The following CREM variants were observed in gnomAD, a reference collection of about 807,000 sequenced individuals.
The protein encoded by CREM is cAMP responsive element modulator, also known as cAMP-responsive element modulator.
Under a neutral mutation model 37.3 loss-of-function variants are expected in CREM, and 13 were observed. That is an observed-to-expected ratio of 0.35 (90% CI 0.23 to 0.55). CREM has a LOEUF of 0.55. CREM is among the 20% of genes least tolerant of loss of function. The pLI is 0.88. For synonymous variants in CREM, 124 were observed against 120.2 expected, an observed-to-expected ratio of 1.03 and a Z score of -0.21; for missense variants, 296 against 362.3, an observed-to-expected ratio of 0.82 and a Z score of 1.49.
At chr10:35,149,514 G>A (rs1326857883) in intron 3 of CREM, among the ~76,000 whole-genome samples, 3 of 152,180 alleles carry the variant, frequency 2.0e-5, no homozygotes, top group South Asian at 2.1e-4. Context: ...TAGTAGCCAT[G>A]TGGAGGTGGA....
intron 6 of CREM, among the ~76,000 whole-genome samples, chr10:35,203,489 C>T (rs535973743): frequency 7.2e-5 from 11 of 151,980 alleles, no homozygotes; most frequent in African/African-American, 1.2e-4. Context: ...GTTAGGAGTT[C>T]GAGACCAGCC....
At chr10:35,154,894 G>T (rs902941493) in intron 3 of CREM, among the ~76,000 whole-genome samples, 2 of 152,026 alleles carry the variant, frequency 1.3e-5, no homozygotes, top group Non-Finnish European at 2.9e-5. Flanking sequence ...ACTTCAACAA[G>T]AATTTGTTAT....
chr10:35,134,368 C>T (rs1409010457), intron 1 of CREM, among the ~76,000 whole-genome samples: 1 of 152,158 alleles, frequency 6.6e-6, no homozygotes, highest in East Asian at 1.9e-4. Context: ...AGGCGCATGC[C>T]ACCACGCCTG....
intron 5 of CREM, among the ~76,000 whole-genome samples, chr10:35,186,588 C>A (rs1467561570): frequency 6.9e-6 from 1 of 145,454 alleles, no homozygotes; most frequent in East Asian, 2.0e-4. Context: ...GCTTTATAAC[C>A]AAAATATGTT....
At chr10:35,189,195 G>GT (rs35421708) in intron 6 of CREM, among the ~76,000 whole-genome samples, 16,429 of 141,772 alleles carry the variant, frequency 0.12, 1,147 homozygotes, top group Middle Eastern at 0.19. Context: ...TTGTTTGTTT[G>GT]TTTTTTTGAC....
Position 35,179,212 on chromosome 10 carries a change from A to G in CREM, c.345A>G (p.Thr115=), listed in dbSNP as rs1254456082. 8 of 1,614,022 alleles carry G rather than the reference A, an allele frequency of 5.0e-6. No individual in the cohort carries two copies. Among genetic ancestry groups the G allele is most frequent in the Admixed American group, 1.7e-5 (1 of 59,998 alleles). Residue 115 remains threonine (T), a synonymous_variant, in exon 5 of 8, where the codon ACA becomes ACG. Coordinates refer to ENST00000685392, the MANE Select transcript of CREM (RefSeq NM_183011.2). Reference sequence around the variant, plus strand: ...AAGAGAGATCAGAGGAAGAAGGAACACCACCTAGTATTGCTACCATGGCAG... The same window carrying G: ...AAGAGAGATCAGAGGAAGAAGGAACGCCACCTAGTATTGCTACCATGGCAG... ...IEEERSEEEG[T]PPSIATMAVP... is the part of the protein sequence containing the mutation.
At position 35,148,494 on chromosome 10, in the gene CREM, A is replaced by G. The variant is rs764201167; in HGVS notation, c.168+3A>G. 5.6e-6 allele frequency: 9 copies of G among 1,609,282 alleles called. No homozygotes were observed. Among genetic ancestry groups the G allele is most frequent in the African/African-American group, 2.7e-5 (2 of 74,706 alleles). ...ATTCAATCCCTGCTTTAGCTCAGGT[A>G]GGCAATAGGCAGGCACCGTTGAAAG... On this transcript the variant is annotated splice_donor_region_variant and intron_variant, in intron 3 of 7. Coordinates refer to ENST00000685392, the MANE Select transcript of CREM (RefSeq NM_183011.2).
intron 6 of CREM, among the ~76,000 whole-genome samples, chr10:35,191,443 C>G (rs1302360831): frequency 6.6e-6 from 1 of 150,984 alleles, no homozygotes; most frequent in African/African-American, 2.4e-5. Context: ...CTCTTTTTTT[C>G]TTTTCCTTAA....
intron 6 of CREM, among the ~76,000 whole-genome samples, chr10:35,199,627 G>A (rs937361403): frequency 2.6e-5 from 4 of 152,090 alleles, no homozygotes; most frequent in Admixed American, 2.0e-4. Flanking sequence ...CAGTTTACAG[G>A]CATTCTCACT....
In CREM at chr10:35,187,197, A is replaced by G. The variant is rs567350249; in HGVS notation, c.410-1003A>G. Among the ~76,000 whole-genome samples, 100 of 71,976 alleles carry G rather than the reference A, an allele frequency of 1.4e-3. 1 individual carries two copies. In the East Asian group the frequency reaches 0.016, roughly 12 times the overall value. The allele number at this position is 71,976 out of a possible 152,430, so 47.2% of individuals were successfully genotyped here. ...AATATTAATATATAAATATATTAAT[A>G]TATAATATATATTATATATTTATAT... On this transcript the variant is annotated intron_variant, in intron 5 of 7. Transcript: ENST00000685392.
intron 3 of CREM, among the ~76,000 whole-genome samples, chr10:35,149,244 A>G (rs2092397461): frequency 1.3e-5 from 2 of 152,154 alleles, no homozygotes; most frequent in African/African-American, 4.8e-5. Context: ...ACAAAGGATG[A>G]GTAGGAGTCT....
chr10:35,181,740 G>A (rs913061927), intron 5 of CREM, among the ~76,000 whole-genome samples: 1 of 152,116 alleles, frequency 6.6e-6, no homozygotes, highest in Non-Finnish European at 1.5e-5. Context: ...GCAGGGTGTG[G>A]TGGTATGCGC....
intron 3 of CREM, among the ~76,000 whole-genome samples, chr10:35,178,572 T>TA: frequency 6.6e-6 from 1 of 152,314 alleles, no homozygotes; most frequent in Non-Finnish European, 1.5e-5. Flanking sequence ...GGAGCTTAGG[T>TA]CTTGGGTATT....
At chr10:35,185,179 C>T (rs917344274) in intron 5 of CREM, among the ~76,000 whole-genome samples, 17 of 151,474 alleles carry the variant, frequency 1.1e-4, no homozygotes, top group Middle Eastern at 3.4e-3. Context: ...CTCTGCTCAC[C>T]GCAACCCCCG....
At chr10:35,178,797 G>C in intron 3 of CREM, 92 bp from the exon 4 acceptor site, 1 of 935,626 alleles carries the variant, frequency 1.1e-6, no homozygotes, top group Non-Finnish European at 1.6e-6. Context: ...TCCTGGCTCA[G>C]TGCTGCACAC....
chr10:35,143,087 C>T (rs575414052), intron 2 of CREM, among the ~76,000 whole-genome samples: 4 of 152,314 alleles, frequency 2.6e-5, no homozygotes, highest in African/African-American at 9.6e-5. Flanking sequence ...TCTCCTGCCT[C>T]CACCTCCCAA....
At position 35,188,192 on chromosome 10, in the gene CREM, C is replaced by T; in HGVS notation, c.410-8C>T. On this transcript the variant is annotated splice_region_variant and splice_polypyrimidine_tract_variant and intron_variant, in intron 5 of 7. Coordinates refer to ENST00000685392, the MANE Select transcript of CREM (RefSeq NM_183011.2). Reference sequence around the variant, plus strand: ...ATTCTCTAATATTTCTTTTCTTTTTCTGTTAAGTTGCTATAGCCCAAGGTG... The same window carrying T: ...ATTCTCTAATATTTCTTTTCTTTTTTTGTTAAGTTGCTATAGCCCAAGGTG... 1 of 1,592,286 alleles carries T rather than the reference C, an allele frequency of 6.3e-7. No homozygotes were observed. The highest frequency in any genetic ancestry group is 8.5e-7 in the Non-Finnish European group (1 of 1,173,570).
intron 7 of CREM, 60 bp from the exon 8 acceptor site, chr10:35,211,194 C>T (rs1341680435): frequency 6.3e-7 from 1 of 1,580,162 alleles, no homozygotes; most frequent in Non-Finnish European, 8.6e-7. Flanking sequence ...AGTGCACTGA[C>T]CCACTGTGGA....
At chr10:35,158,553 G>T in intron 3 of CREM, 1 of 167,744 alleles carries the variant, frequency 6.0e-6, no homozygotes, top group South Asian at 1.4e-4. Flanking sequence ...ACTTCCAGCA[G>T]AACAAGGATG....
Sources: gnomAD v4.1 joint callset for allele counts (sites outside exome capture counted in the v4.1 genomes callset) on GRCh38, gnomAD v4.1.1 for gene constraint, MANE v1.5 for transcripts, NCBI Gene and HGNC (gene_info 2026-07-23, HGNC 2026-07-21) for gene names.